The following RNF150 variants were observed in gnomAD, a reference collection of about 807,000 sequenced individuals.
The protein encoded by RNF150 is ring finger protein 150.
A neutral mutation model predicts 39.3 loss-of-function variants in RNF150; 24 were observed. That is an observed-to-expected ratio of 0.61 (90% CI 0.44 to 0.86). The LOEUF (loss-of-function observed/expected upper bound fraction) is 0.86. Among genes scored for constraint, RNF150 ranks in the 40% least tolerant of loss-of-function variants. The pLI is 0.00. For synonymous variants in RNF150, 255 were observed against 227.3 expected (o/e 1.12, Z -1.10); for missense variants, 502 against 587.8 (o/e 0.85, Z 1.51).
At chr4:140,953,938 T>C (rs1732645166) in intron 2 of RNF150, among the ~76,000 whole-genome samples, 1 of 152,176 alleles carries the variant, frequency 6.6e-6, no homozygotes. Context: ...GAAGGAAAAC[T>C]ACAGGCCCTG....
At chr4:140,982,949 G>A (rs941929097) in intron 1 of RNF150, among the ~76,000 whole-genome samples, 4 of 152,116 alleles carry the variant, frequency 2.6e-5, no homozygotes, top group South Asian at 2.1e-4. Context: ...TTCTGGCATC[G>A]AATTTTCATC....
chr4:141,057,809 G>A (rs1266143744), intron 1 of RNF150, among the ~76,000 whole-genome samples: 3 of 152,086 alleles, frequency 2.0e-5, no homozygotes, highest in African/African-American at 4.8e-5. Flanking sequence ...TTGACACCCT[G>A]TCCCATCGAT....
intron 1 of RNF150, among the ~76,000 whole-genome samples, chr4:141,090,025 T>C (rs1738519930): frequency 6.6e-6 from 1 of 152,202 alleles, no homozygotes; most frequent in Non-Finnish European, 1.5e-5. Context: ...CATGGACATC[T>C]TGAAAAAAAT....
chr4:141,198,682 T>C (rs768565518), intron 1 of RNF150, among the ~76,000 whole-genome samples: 8 of 152,222 alleles, frequency 5.3e-5, no homozygotes, highest in Non-Finnish European at 1.2e-4. Context: ...TCACAGAAGA[T>C]GAGCTCACTG....
chr4:140,993,721 T>C (rs1734271271), intron 1 of RNF150, among the ~76,000 whole-genome samples: 1 of 152,218 alleles, frequency 6.6e-6, no homozygotes, highest in Admixed American at 6.5e-5. Context: ...TTTTGATACA[T>C]GTTAAAGCCA....
At chr4:141,209,413 T>C (rs1036589693) in intron 1 of RNF150, among the ~76,000 whole-genome samples, 7 of 152,190 alleles carry the variant, frequency 4.6e-5, no homozygotes, top group African/African-American at 7.2e-5. Context: ...ATTAATCCAG[T>C]CTTCTGCCGA....
At chr4:140,898,706 A>G (rs1730052747) in intron 6 of RNF150, among the ~76,000 whole-genome samples, 1 of 152,254 alleles carries the variant, frequency 6.6e-6, no homozygotes, top group African/African-American at 2.4e-5. Context: ...GTTTTTTAAC[A>G]AGGAAGATAT....
chr4:141,000,063 AAGAAGAAGAAGAAGAAGAAGAAGG>A (rs1236893697), intron 1 of RNF150, among the ~76,000 whole-genome samples: 1,247 of 93,446 alleles, frequency 0.013, 192 homozygotes, highest in Middle Eastern at 0.032. Context: ...GAAGAAGAAG[AAGAAGAAGAAGAAGAAGAAGAAGG>A]AGAAGAAGAA....
chr4:141,086,243 C>G (rs1021946078), intron 1 of RNF150, among the ~76,000 whole-genome samples: 1 of 152,100 alleles, frequency 6.6e-6, no homozygotes, highest in East Asian at 1.9e-4. Context: ...TTTGCTTGAT[C>G]TATTTATCTC....
At chr4:141,020,492 C>T (rs1560692473) in intron 1 of RNF150, among the ~76,000 whole-genome samples, 1 of 152,150 alleles carries the variant, frequency 6.6e-6, no homozygotes, top group Non-Finnish European at 1.5e-5. Context: ...CCAGGGAATT[C>T]TTTGAATTCT....
intron 1 of RNF150, among the ~76,000 whole-genome samples, chr4:141,106,036 C>A (rs921933797): frequency 6.6e-6 from 1 of 152,176 alleles, no homozygotes; most frequent in Non-Finnish European, 1.5e-5. Context: ...CACTCTGGCC[C>A]ACTCACCTTA....
In RNF150 at chr4:141,212,281, T is replaced by C. The variant is rs553203889; in HGVS notation, c.-6+513A>G. Among the ~76,000 whole-genome samples, 254 of 152,262 alleles carry C rather than the reference T, an allele frequency of 1.7e-3. 3 individuals carry two copies. The highest frequency in any genetic ancestry group is 2.2e-4 in the Non-Finnish European group (15 of 68,020). On this transcript the variant is annotated intron_variant, in intron 1 of 7. Transcript: ENST00000420921. ...CCCATGTGCCAGGCACTGTGCTAGG[T>C]GTTTTATATGTATCATCATACTTAA...
chr4:141,044,513 TTCTC>T (rs1449167403), intron 1 of RNF150, among the ~76,000 whole-genome samples: 1 of 152,200 alleles, frequency 6.6e-6, no homozygotes, highest in African/African-American at 2.4e-5. Context: ...TCCACTTTAA[TTCTC>T]TCAATCACCT....
At chr4:141,201,765 CT>C (rs1258228706) in intron 1 of RNF150, among the ~76,000 whole-genome samples, 2 of 152,010 alleles carry the variant, frequency 1.3e-5, no homozygotes, top group African/African-American at 4.8e-5. Flanking sequence ...GCCAATGTTC[CT>C]TCCTTATAGT....
intron 2 of RNF150, among the ~76,000 whole-genome samples, chr4:140,961,892 C>T (rs1733040427): frequency 6.6e-6 from 1 of 152,066 alleles, no homozygotes; most frequent in Admixed American, 6.6e-5. Flanking sequence ...AACATGCAAG[C>T]TAGATCTACC....
intron 1 of RNF150, among the ~76,000 whole-genome samples, chr4:141,036,889 C>T (rs1736168383): frequency 2.6e-5 from 4 of 152,142 alleles, no homozygotes; most frequent in South Asian, 4.1e-4. Flanking sequence ...AATTTACTTA[C>T]GTTATGCCAA....
intron 1 of RNF150, among the ~76,000 whole-genome samples, chr4:141,201,194 C>T (rs557974328): frequency 6.6e-6 from 1 of 152,286 alleles, no homozygotes; most frequent in African/African-American, 2.4e-5. Flanking sequence ...GTCCACACAT[C>T]TTTTCTTATA....
intron 1 of RNF150, among the ~76,000 whole-genome samples, chr4:141,026,604 G>A (rs28427337): frequency 0.64 from 96,779 of 151,992 alleles, 32,218 homozygotes; most frequent in Non-Finnish European, 0.75. Context: ...AAGCATCTAA[G>A]CTGCAAAGCT....
At chr4:141,059,969 G>T (rs1199012839) in intron 1 of RNF150, among the ~76,000 whole-genome samples, 1 of 151,996 alleles carries the variant, frequency 6.6e-6, no homozygotes, top group East Asian at 1.9e-4. Context: ...AATGAATTAG[G>T]TGATGGAAAT....
Sources: allele counts gnomAD v4.1 joint callset (sites outside exome capture counted in the v4.1 genomes callset), GRCh38; gene constraint gnomAD v4.1.1; transcripts MANE v1.5; gene names NCBI Gene and HGNC (gene_info 2026-07-23, HGNC 2026-07-21).